The following RIC3 variants were observed in gnomAD, a reference collection of about 807,000 sequenced individuals.
RIC3 encodes protein RIC-3.
In RIC3, 28 loss-of-function variants were observed where a neutral mutation model predicts 27.3. The observed-to-expected ratio is 1.02, with a 90% CI of 0.76 to 1.41. The LOEUF (loss-of-function observed/expected upper bound fraction) is 1.41, where lower values mean the gene tolerates loss of function less well. RIC3 is among the 40% of genes most tolerant of loss of function. RIC3 has a pLI of 0.00. For missense variants in RIC3, 501 were observed against 444.7 expected (o/e 1.13, Z -1.14); for synonymous variants, 184 against 160.4 (o/e 1.15, Z -1.11).
intron 5 of RIC3, among the ~76,000 whole-genome samples, chr11:8,121,254 C>T (rs553224717): frequency 7.9e-5 from 12 of 151,974 alleles, no homozygotes; most frequent in Non-Finnish European, 1.2e-4. Flanking sequence ...GGGGGAACAA[C>T]GAAAACTGCA....
At chr11:8,165,513 T>C (rs569545218) in intron 1 of RIC3, among the ~76,000 whole-genome samples, 1 of 152,318 alleles carries the variant, frequency 6.6e-6, no homozygotes, top group East Asian at 1.9e-4. Flanking sequence ...GATGAGTGGT[T>C]GCCTAGGGCT....
At chr11:8,095,464 C>T in the RIC3 span, 1 of 1,578,832 alleles carries the variant, frequency 6.3e-7, no homozygotes, top group African/African-American at 1.3e-5. Context: ...TCTCCTCCTC[C>T]TGGATGTAAC....
downstream of RIC3, chr11:8,101,628 T>G: frequency 1.2e-6 from 2 of 1,614,070 alleles, no homozygotes. Flanking sequence ...AGAGGCCTCT[T>G]CGTGCCCTTT....
chr11:8,106,229 TGAATCGTTTC>T lies in RIC3; in HGVS notation c.*4459_*4468del, dbSNP rs1944627403. The stretch of plus-strand genomic sequence containing the variant: ...CACACATATATCAACAAATTAAACT[TGAATCGTTTC>T]AACACTTCTGTGTACTTTTTTCATA... On this transcript the variant is annotated 3_prime_UTR_variant, in exon 6 of 6. Transcript: ENST00000309737. 6.6e-6 allele frequency: 1 copy of T among 152,252 alleles called. No homozygotes were observed. The highest frequency in any genetic ancestry group is 1.5e-5 in the Non-Finnish European group (1 of 68,040). The allele number at this position is 152,252 out of a possible 1,614,324, so 9.4% of individuals were successfully genotyped here. A position where few individuals can be genotyped will look rare whatever the true frequency, so the allele number is the denominator to read the frequency against.
At position 8,168,916 on chromosome 11, in the gene RIC3, T is replaced by A; in HGVS notation, c.74A>T (p.Lys25Met). The A allele has an allele frequency of 6.2e-7, 1 of 1,611,860 alleles. No individual in the cohort carries two copies. The highest frequency in any genetic ancestry group is 1.1e-5 in the South Asian group (1 of 90,962). ...LVLALSLLLP[K>M]AFLSRGKRQE... Reference sequence around the variant, plus strand: ...CCGCTTCCCGCGGGACAGGAAGGCCTTGGGCAGCAGCAGCGACAGAGCCAG... The same window carrying A: ...CCGCTTCCCGCGGGACAGGAAGGCCATGGGCAGCAGCAGCGACAGAGCCAG... Residue 25 changes from lysine to methionine, a missense_variant, in exon 1 of 6, where the codon AAG becomes ATG. Lys to Met is a moderately conservative substitution (Grantham distance 95). Transcript: ENST00000309737.
At chr11:8,117,546 G>A (rs954804277) in intron 5 of RIC3, among the ~76,000 whole-genome samples, 6 of 152,178 alleles carry the variant, frequency 3.9e-5, no homozygotes, top group Admixed American at 3.9e-4. Flanking sequence ...AGAAGCTAGG[G>A]GGATCAGGGA....
At chr11:8,141,446 T>C (rs1949058455) in intron 1 of RIC3, among the ~76,000 whole-genome samples, 1 of 152,134 alleles carries the variant, frequency 6.6e-6, no homozygotes, top group Non-Finnish European at 1.5e-5. Context: ...CATTACATAA[T>C]GGTAAAGGAT....
the RIC3 span, chr11:8,100,525 AG>A: frequency 6.2e-7 from 1 of 1,614,098 alleles, no homozygotes; most frequent in Non-Finnish European, 8.5e-7. Flanking sequence ...TTAGGCTTCA[AG>A]GGGCCTCGGA....
chr11:8,095,866 C>T, the RIC3 span, among the ~76,000 whole-genome samples: 1 of 152,254 alleles, frequency 6.6e-6, no homozygotes, highest in East Asian at 1.9e-4. Context: ...GATTTGGGGG[C>T]AGATTTCCTT....
chr11:8,167,845 A>G (rs767200864), intron 1 of RIC3, among the ~76,000 whole-genome samples: 3 of 152,152 alleles, frequency 2.0e-5, no homozygotes, highest in Admixed American at 6.5e-5. Context: ...TACAAGCATA[A>G]AGATTATCAG....
intron 1 of RIC3, among the ~76,000 whole-genome samples, chr11:8,160,938 G>T (rs1158048276): frequency 2.0e-5 from 3 of 152,148 alleles, no homozygotes; most frequent in Non-Finnish European, 4.4e-5. Flanking sequence ...AAAGTATCTG[G>T]GACAGGCCTC....
At chr11:8,114,523 T>A (rs1207862742) in intron 5 of RIC3, among the ~76,000 whole-genome samples, 1 of 151,594 alleles carries the variant, frequency 6.6e-6, no homozygotes, top group Middle Eastern at 3.2e-3. Flanking sequence ...GAAGAATCGC[T>A]TGAACCCAGG....
chr11:8,095,869 A>G, the RIC3 span, among the ~76,000 whole-genome samples: 5 of 152,230 alleles, frequency 3.3e-5, no homozygotes, highest in African/African-American at 1.2e-4. Flanking sequence ...TTGGGGGCAG[A>G]TTTCCTTTTC....
intron 2 of RIC3, chr11:8,139,690 T>C: frequency 4.5e-6 from 1 of 221,258 alleles, no homozygotes. Context: ...ATTGTATCAC[T>C]CACTGGATTA....
intron 1 of RIC3, among the ~76,000 whole-genome samples, chr11:8,167,726 T>G (rs940442845): frequency 1.5e-4 from 22 of 151,492 alleles, no homozygotes; most frequent in Middle Eastern, 3.4e-3. Flanking sequence ...GACAATATCA[T>G]TAGACAAAGC....
chr11:8,162,370 C>T (rs917283330), intron 1 of RIC3, among the ~76,000 whole-genome samples: 2 of 152,226 alleles, frequency 1.3e-5, no homozygotes, highest in Admixed American at 1.3e-4. Flanking sequence ...CATGATGTCT[C>T]AACTGGATGA....
At chr11:8,103,443 A>G (rs1944391690), downstream of RIC3, 1 of 152,364 alleles carries the variant, frequency 6.6e-6, no homozygotes, top group Non-Finnish European at 1.5e-5. Flanking sequence ...TAGGTGAAGG[A>G]CTTGTTTTGA....
intron 1 of RIC3, among the ~76,000 whole-genome samples, chr11:8,156,115 G>A (rs929683165): frequency 1.3e-5 from 2 of 150,616 alleles, no homozygotes; most frequent in African/African-American, 4.9e-5. Context: ...GCTTAGCACA[G>A]GGCCCGATCC....
chr11:8,151,705 G>A (rs1950250117), intron 1 of RIC3, among the ~76,000 whole-genome samples: 1 of 151,806 alleles, frequency 6.6e-6, no homozygotes, highest in Non-Finnish European at 1.5e-5. Context: ...TTTGAGGTCA[G>A]GAGTTCAAGA....
Sources: allele counts gnomAD v4.1 joint callset (sites outside exome capture counted in the v4.1 genomes callset), GRCh38; gene constraint gnomAD v4.1.1; transcripts MANE v1.5; gene names NCBI Gene and HGNC (gene_info 2026-07-23, HGNC 2026-07-21).